Variants in LRBA observed in about 807,000 individuals in gnomAD.
The protein encoded by LRBA is LPS responsive beige-like anchor protein.
A neutral mutation model predicts 330.0 loss-of-function variants in LRBA; 176 were observed. The observed-to-expected ratio is 0.53, with a 90% CI of 0.47 to 0.60. The LOEUF (loss-of-function observed/expected upper bound fraction) is 0.60, where lower values mean the gene tolerates loss of function less well. Ranked by LOEUF, LRBA falls within the 20% of genes least tolerant of loss-of-function variation. LRBA has a pLI of 0.00. For synonymous variants in LRBA, 1,230 were observed against 1,193.0 expected (o/e 1.03, Z -0.64); for missense variants, 3,259 against 3,444.8 (o/e 0.95, Z 1.35).
At chr4:150,341,785 C>G (rs1157916530) in intron 48 of LRBA, among the ~76,000 whole-genome samples, 1 of 151,074 alleles carries the variant, frequency 6.6e-6, no homozygotes, top group African/African-American at 2.4e-5. Context: ...ATATTTCTTA[C>G]CTACTAAACT....
intron 44 of LRBA, among the ~76,000 whole-genome samples, chr4:150,457,208 T>C (rs891797667): frequency 2.0e-5 from 3 of 152,264 alleles, no homozygotes; most frequent in Admixed American, 6.6e-5. Flanking sequence ...GGATTCACAC[T>C]TTTTAAAAAA....
intron 36 of LRBA, among the ~76,000 whole-genome samples, chr4:150,722,105 C>CA (rs1471119315): frequency 6.6e-6 from 1 of 152,092 alleles, no homozygotes; most frequent in Non-Finnish European, 1.5e-5. Flanking sequence ...GCAAGCCTTC[C>CA]ACCCTCCCCT....
chr4:150,854,198 C>A (rs2126929718), intron 22 of LRBA, among the ~76,000 whole-genome samples: 1 of 152,276 alleles, frequency 6.6e-6, no homozygotes, highest in East Asian at 1.9e-4. Flanking sequence ...TGAATATTTT[C>A]CTGTGAATAT....
intron 14 of LRBA, 53 bp from the exon 15 acceptor site, chr4:150,897,871 G>A (rs995919538): frequency 1.7e-6 from 2 of 1,196,082 alleles, no homozygotes; most frequent in African/African-American, 1.5e-5. Context: ...CCTCAAAGCT[G>A]TCAAAGTATA....
At chr4:150,843,153 T>C (rs1329914304) in intron 28 of LRBA, among the ~76,000 whole-genome samples, 1 of 152,130 alleles carries the variant, frequency 6.6e-6, no homozygotes, top group Non-Finnish European at 1.5e-5. Context: ...GGTCTGGGGG[T>C]TGGGGACCCC....
At chr4:150,559,935 T>A (rs1287698636) in intron 40 of LRBA, among the ~76,000 whole-genome samples, 1 of 108,084 alleles carries the variant, frequency 9.3e-6, no homozygotes, top group East Asian at 2.3e-4. Context: ...TAAATATATA[T>A]ATATCTATAT....
intron 2 of LRBA, among the ~76,000 whole-genome samples, chr4:150,996,152 G>A (rs1034200827): frequency 6.6e-6 from 1 of 151,306 alleles, no homozygotes; most frequent in Admixed American, 6.6e-5. Flanking sequence ...TGGTAATCAG[G>A]ACATCCTCAG....
intron 47 of LRBA, among the ~76,000 whole-genome samples, chr4:150,413,705 C>T (rs567848816): frequency 1.3e-5 from 2 of 152,120 alleles, no homozygotes; most frequent in South Asian, 2.1e-4. Context: ...GTGGCAGTTA[C>T]ATAACTGTAT....
At chr4:150,270,333 G>A (rs1275473953) in intron 56 of LRBA, among the ~76,000 whole-genome samples, 1 of 152,150 alleles carries the variant, frequency 6.6e-6, no homozygotes, top group African/African-American at 2.4e-5. Flanking sequence ...TCATCAACAG[G>A]TGAACGATAA....
intron 37 of LRBA, among the ~76,000 whole-genome samples, chr4:150,618,348 A>C (rs1210213256): frequency 2.0e-5 from 3 of 152,294 alleles, no homozygotes; most frequent in Non-Finnish European, 2.9e-5. Flanking sequence ...CCCAAAAAGG[A>C]TCTTGCATGG....
intron 44 of LRBA, among the ~76,000 whole-genome samples, chr4:150,455,248 G>A (rs1232542448): frequency 6.6e-6 from 1 of 151,688 alleles, no homozygotes; most frequent in East Asian, 1.9e-4. Flanking sequence ...TCTTGCGATA[G>A]AAATACCATT....
intron 40 of LRBA, among the ~76,000 whole-genome samples, chr4:150,505,851 G>C (rs569000840): frequency 6.6e-6 from 1 of 152,026 alleles, no homozygotes; most frequent in Non-Finnish European, 1.5e-5. Context: ...AACAAGAAAA[G>C]AGAGAAGAAT....
chr4:150,657,930 T>C (rs1780376435), intron 37 of LRBA, among the ~76,000 whole-genome samples: 2 of 152,200 alleles, frequency 1.3e-5, no homozygotes, highest in African/African-American at 4.8e-5. Flanking sequence ...ATTTTGCTTT[T>C]ACTGCAAAAG....
At chr4:150,343,731 C>T (rs935387006) in intron 48 of LRBA, among the ~76,000 whole-genome samples, 3 of 152,256 alleles carry the variant, frequency 2.0e-5, no homozygotes, top group East Asian at 1.9e-4. Flanking sequence ...AACACACAGG[C>T]GTGCACACAC....
intron 48 of LRBA, among the ~76,000 whole-genome samples, chr4:150,339,508 T>A (rs1330441948): frequency 6.6e-6 from 1 of 152,024 alleles, no homozygotes; most frequent in Non-Finnish European, 1.5e-5. Context: ...GGAGAAAGAG[T>A]TGTGTTTGGC....
chr4:150,867,764 G>A lies in LRBA; in HGVS notation c.2673C>T (p.Tyr891=), dbSNP rs542018146. The A allele has an allele frequency of 2.9e-5, 47 of 1,613,354 alleles. No individual in the cohort carries two copies. Among genetic ancestry groups the A allele is most frequent in the South Asian group, 5.5e-5 (5 of 91,038 alleles). ...GGTAAAGCAGGATTCTGAATATGGC[G>A]TATACCATTTCTGTTATCTTTTGCT... ...SDEQKITEMV[Y]AIFRILLYHA... The change falls in exon 22 of 57, where the codon TAC becomes TAT. Residue 891 remains tyrosine (Y), a synonymous_variant. Coordinates refer to ENST00000651943, the MANE Select transcript of LRBA (RefSeq NM_001364905.1).
intron 2 of LRBA, among the ~76,000 whole-genome samples, chr4:150,996,876 A>G (rs1272037374): frequency 2.0e-5 from 3 of 152,160 alleles, no homozygotes; most frequent in East Asian, 1.9e-4. Context: ...CATGCTATAA[A>G]TCAAGTTTAA....
intron 34 of LRBA, among the ~76,000 whole-genome samples, chr4:150,785,805 T>C (rs888919161): frequency 2.0e-5 from 3 of 152,142 alleles, no homozygotes; most frequent in Non-Finnish European, 2.9e-5. Flanking sequence ...GAAAGTAACA[T>C]AGTATAAACA....
At chr4:150,600,373 T>G (rs1211333903) in intron 37 of LRBA, among the ~76,000 whole-genome samples, 2 of 152,186 alleles carry the variant, frequency 1.3e-5, no homozygotes, top group Non-Finnish European at 2.9e-5. Context: ...CAAGTAAAAG[T>G]TACCTTTATT....
Sources: gnomAD v4.1 joint callset for allele counts (sites outside exome capture counted in the v4.1 genomes callset) on GRCh38, gnomAD v4.1.1 for gene constraint, MANE v1.5 for transcripts, NCBI Gene and HGNC (gene_info 2026-07-23, HGNC 2026-07-21) for gene names.